The following PCDHA2 variants were observed in gnomAD, a reference collection of about 807,000 sequenced individuals.
PCDHA2 encodes protocadherin alpha-2.
PCDHA2 carries 58 observed loss-of-function variants against 66.0 expected under a neutral mutation model. The ratio of observed to expected loss-of-function variants is 0.88; its 90% CI spans 0.71 to 1.09. The LOEUF (loss-of-function observed/expected upper bound fraction) is 1.09. Ranked by LOEUF, PCDHA2 falls within the 50% of genes least tolerant of loss-of-function variation. PCDHA2 has a pLI of 0.00. For synonymous variants in PCDHA2, 634 were observed against 554.0 expected (o/e 1.14, Z -2.03); for missense variants, 1,267 against 1,242.3 (o/e 1.02, Z -0.30).
chr5:140,850,744 ACTCG>A lies in PCDHA2; in HGVS notation c.2388+53394_2388+53397del, dbSNP rs2041800778. ...TCTAGCGCGGTGGGGAGTTGGTCGT[ACTCG>A]CAGCAGAGGAGGCAGAGGGTGTGCT... On this transcript the variant is annotated intron_variant, in intron 1 of 3. Coordinates refer to ENST00000526136, the MANE Select transcript of PCDHA2 (RefSeq NM_018905.3). 1.3e-6 allele frequency: 2 copies of A among 1,597,470 alleles called. 1 individual carries two copies. The highest frequency in any genetic ancestry group is 2.7e-5 in the African/African-American group (2 of 74,012).
chr5:140,864,177 A>G (rs2048351584), intron 1 of PCDHA2: 1 of 152,222 alleles, frequency 6.6e-6, no homozygotes, highest in Non-Finnish European at 1.5e-5. Context: ...AAGGATCATG[A>G]TGAATAATGA....
At chr5:140,932,375 G>A (rs192897336) in intron 1 of PCDHA2, among the ~76,000 whole-genome samples, 31 of 151,942 alleles carry the variant, frequency 2.0e-4, no homozygotes, top group Non-Finnish European at 3.0e-5. Context: ...ATTTCCACAT[G>A]AAAGTTATAC....
chr5:140,870,592 C>A (rs202164332), intron 1 of PCDHA2: 2 of 1,613,554 alleles, frequency 1.2e-6, no homozygotes, highest in African/African-American at 1.3e-5. Context: ...GGTGGAGCGG[C>A]GGTTGGGCGA....
rs1254139233 is a variant in PCDHA2 at position 140,846,802 on chromosome 5, C to T, written c.2388+49450C>T. On this transcript the variant is annotated intron_variant, in intron 1 of 3. Transcript: ENST00000526136. Reference sequence around the variant, plus strand: ...ATTATTACTGAGCCCCAGCCCCTGGCTTTAAAATTTGAGGTCAAATAAAGA... The same window carrying T: ...ATTATTACTGAGCCCCAGCCCCTGGTTTTAAAATTTGAGGTCAAATAAAGA... Among the ~76,000 whole-genome samples the T allele has an allele frequency of 4.7e-5, 7 of 149,432 alleles. 1 individual carries two copies. The highest frequency in any genetic ancestry group is 1.7e-4 in the African/African-American group (7 of 40,714).
At chr5:140,928,356 C>A in intron 1 of PCDHA2, 1 of 1,614,176 alleles carries the variant, frequency 6.2e-7, no homozygotes, top group South Asian at 1.1e-5. Context: ...TGGATGTTAT[C>A]TCTGAAGGGC....
chr5:140,966,240 G>A (rs1372436745), intron 1 of PCDHA2: 3 of 306,008 alleles, frequency 9.8e-6, no homozygotes, highest in Non-Finnish European at 1.8e-5. Flanking sequence ...GACCCGTTAA[G>A]CAGGGGAGAG....
intron 1 of PCDHA2, among the ~76,000 whole-genome samples, chr5:140,888,663 T>C (rs1278510364): frequency 6.6e-6 from 1 of 152,194 alleles, no homozygotes; most frequent in Non-Finnish European, 1.5e-5. Context: ...CACCACCTAA[T>C]GCCCTGTGCA....
At chr5:140,992,925 C>G (rs548869982) in intron 3 of PCDHA2, among the ~76,000 whole-genome samples, 1 of 152,312 alleles carries the variant, frequency 6.6e-6, no homozygotes, top group South Asian at 2.1e-4. Flanking sequence ...TCCATACTTA[C>G]AGCAGCTCTG....
At chr5:140,843,345 C>T (rs2150357960) in intron 1 of PCDHA2, 12 of 1,595,968 alleles carry the variant, frequency 7.5e-6, no homozygotes, top group African/African-American at 5.4e-5. Flanking sequence ...AGCGGCCAGG[C>T]TCCAAAAGCG....
rs901766941 is a variant in PCDHA2 at position 140,982,266 on chromosome 5, G to A, written c.2448-209G>A. The A allele has an allele frequency of 6.1e-5, 54 of 879,038 alleles. No homozygotes were observed. In the African/African-American group the frequency reaches 7.6e-4, roughly 12 times the overall value. The allele number at this position is 879,038 out of a possible 1,614,324, so 54.5% of individuals were successfully genotyped here. ...TAAAGATAGAACATGTGTGTTCCTG[G>A]AATAGTATAGCAGGCAATAAGTAAG... On this transcript the variant is annotated intron_variant, in intron 2 of 3. Coordinates refer to ENST00000526136, the MANE Select transcript of PCDHA2 (RefSeq NM_018905.3).
intron 1 of PCDHA2, chr5:140,835,626 C>T: frequency 6.2e-6 from 10 of 1,613,880 alleles, no homozygotes; most frequent in Admixed American, 1.7e-5. Context: ...CGCTCTGGAC[C>T]GCGAGAGTGT....
intron 1 of PCDHA2, chr5:140,841,869 A>G (rs1223944877): frequency 6.2e-7 from 1 of 1,613,734 alleles, no homozygotes; most frequent in African/African-American, 1.3e-5. Flanking sequence ...CTAGATGTGA[A>G]TTCAAAGAAC....
intron 1 of PCDHA2, among the ~76,000 whole-genome samples, chr5:140,977,960 A>G (rs760810328): frequency 9.2e-5 from 14 of 152,142 alleles, no homozygotes; most frequent in Non-Finnish European, 1.3e-4. Flanking sequence ...GGCCACCTCA[A>G]TCTCCGCCCA....
intron 1 of PCDHA2, chr5:140,850,894 G>A (rs1554145013): frequency 6.3e-7 from 1 of 1,575,006 alleles, no homozygotes; most frequent in African/African-American, 1.4e-5. Context: ...GGGAAGGTGG[G>A]TTTTTCTAGC....
At chr5:140,832,006 T>C (rs192666961) in intron 1 of PCDHA2, among the ~76,000 whole-genome samples, 8 of 152,338 alleles carry the variant, frequency 5.3e-5, no homozygotes, top group Non-Finnish European at 1.0e-4. Context: ...ATTGTTTTCA[T>C]TTTACGTAAA....
At chr5:140,850,932 C>T in intron 1 of PCDHA2, 1 of 1,514,290 alleles carries the variant, frequency 6.6e-7, no homozygotes, top group Non-Finnish European at 8.9e-7. Flanking sequence ...AATTTTTTTT[C>T]TTGAAAGATA....
At chr5:140,903,824 T>A (rs1439298617) in intron 1 of PCDHA2, among the ~76,000 whole-genome samples, 3 of 152,202 alleles carry the variant, frequency 2.0e-5, no homozygotes, top group Admixed American at 2.0e-4. Context: ...CACATGAATG[T>A]CTGTTGGTAT....
intron 1 of PCDHA2, among the ~76,000 whole-genome samples, chr5:140,896,522 G>A (rs1228394123): frequency 6.7e-6 from 1 of 149,268 alleles, no homozygotes; most frequent in Non-Finnish European, 1.5e-5. Context: ...ACACCACAAA[G>A]CCCAGCTATT....
intron 1 of PCDHA2, chr5:140,883,657 C>A (rs782568456): frequency 1.2e-6 from 2 of 1,613,470 alleles, no homozygotes; most frequent in East Asian, 4.5e-5. Context: ...ACACGGTGTT[C>A]GTGAAGGAAA....
Sources: gnomAD v4.1 joint callset for allele counts (sites outside exome capture counted in the v4.1 genomes callset) on GRCh38, gnomAD v4.1.1 for gene constraint, MANE v1.5 for transcripts, NCBI Gene and HGNC (gene_info 2026-07-23, HGNC 2026-07-21) for gene names.